Variants in CYTH1 observed in about 807,000 individuals in gnomAD.
The protein encoded by CYTH1 is cytohesin-1.
A neutral mutation model predicts 61.8 loss-of-function variants in CYTH1; 18 were observed. That is an observed-to-expected ratio of 0.29 (90% confidence interval 0.20 to 0.43). The LOEUF (loss-of-function observed/expected upper bound fraction) is 0.43. CYTH1 is among the 20% of genes least tolerant of loss of function. The pLI is 1.00. For synonymous variants in CYTH1, 174 were observed against 184.3 expected, an observed-to-expected ratio of 0.94 and a Z score of 0.45; for missense variants, 336 against 510.5, an observed-to-expected ratio of 0.66 and a Z score of 3.29.
intron 1 of CYTH1, among the ~76,000 whole-genome samples, chr17:78,727,136 C>A (rs1049913033): frequency 6.6e-6 from 1 of 152,206 alleles, no homozygotes; most frequent in African/African-American, 2.4e-5. Context: ...GCATCCCAAA[C>A]CCACGAATTC....
chr17:78,770,797 G>C (rs947732617), intron 1 of CYTH1, among the ~76,000 whole-genome samples: 2 of 151,996 alleles, frequency 1.3e-5, no homozygotes, highest in African/African-American at 2.4e-5. Flanking sequence ...CCAGGTAAGG[G>C]CACGCTTCTG....
At chr17:78,690,392 TCAAAAAAAAAAAAAAAAAAAA>T in intron 11 of CYTH1, among the ~76,000 whole-genome samples, 1 of 9,472 alleles carries the variant, frequency 1.1e-4, no homozygotes. Flanking sequence ...AGACTCCATC[TCAAAAAAAAAAAAAAAAAAAA>T]AAAAAAAAAA....
chr17:78,751,071 C>A (rs892800132), intron 1 of CYTH1, among the ~76,000 whole-genome samples: 10 of 152,090 alleles, frequency 6.6e-5, no homozygotes. Context: ...GCAACCTCTA[C>A]CTCCCAGACT....
In CYTH1 at chr17:78,700,741, T is replaced by C. The variant is rs540118995; in HGVS notation, c.438-298A>G. The stretch of plus-strand genomic sequence containing the variant: ...GGTTTCACCATGCTGGCCAGGCTGG[T>C]CTCAAACTCCTGGCCTCAAGTGATC... On this transcript the variant is annotated intron_variant, in intron 6 of 13. Transcript: ENST00000446868. This position sits in a 1 kb window ranked among gnomAD's most constrained non-coding sequence, Gnocchi z 5.1. Among the ~76,000 whole-genome samples the C allele has an allele frequency of 9.9e-5, 15 of 152,142 alleles. No individual in the cohort carries two copies. In the South Asian group the frequency reaches 2.7e-3, roughly 27 times the overall value.
At chr17:78,760,056 A>C (rs1475599305) in intron 1 of CYTH1, among the ~76,000 whole-genome samples, 1 of 152,082 alleles carries the variant, frequency 6.6e-6, no homozygotes, top group Non-Finnish European at 1.5e-5. Context: ...ACCAGAATAA[A>C]TGGCTTTTTT....
intron 1 of CYTH1, among the ~76,000 whole-genome samples, chr17:78,765,524 T>C (rs1598921992): frequency 6.6e-6 from 1 of 151,586 alleles, no homozygotes; most frequent in South Asian, 2.1e-4. Flanking sequence ...CAGTGTGGAG[T>C]AGAGGAGACA....
At chr17:78,751,474 CA>C (rs71309110) in intron 1 of CYTH1, among the ~76,000 whole-genome samples, 2,074 of 145,092 alleles carry the variant, frequency 0.014, 20 homozygotes, top group Middle Eastern at 0.029. Flanking sequence ...CACAAAAATA[CA>C]AAAAAAAAAA....
At chr17:78,756,427 A>G (rs2093401586) in intron 1 of CYTH1, among the ~76,000 whole-genome samples, 1 of 152,156 alleles carries the variant, frequency 6.6e-6, no homozygotes, top group Non-Finnish European at 1.5e-5. Context: ...TTATACCTCA[A>G]TAATTTTTTT....
chr17:78,721,284 C>T (rs1004696464), intron 1 of CYTH1, among the ~76,000 whole-genome samples: 12 of 152,030 alleles, frequency 7.9e-5, no homozygotes, highest in Non-Finnish European at 4.4e-5. Flanking sequence ...GAGCCGAGAT[C>T]GGGCCATTGC....
chr17:78,736,848 C>A, intron 1 of CYTH1: 1 of 227,142 alleles, frequency 4.4e-6, no homozygotes. Flanking sequence ...AGCTGTCCAG[C>A]CACTAGGGCA....
chr17:78,705,789 C>T (rs2093059109), intron 3 of CYTH1, among the ~76,000 whole-genome samples: 1 of 152,194 alleles, frequency 6.6e-6, no homozygotes, highest in African/African-American at 2.4e-5. Flanking sequence ...CTTCCTGACT[C>T]ACAACTTCAG....
intron 1 of CYTH1, among the ~76,000 whole-genome samples, chr17:78,753,644 CAGTT>C (rs1376505934): frequency 1.8e-4 from 28 of 152,164 alleles, no homozygotes; most frequent in Admixed American, 1.0e-3. Flanking sequence ...GCAGTAATAA[CAGTT>C]AGGACAGAAG....
At chr17:78,730,263 C>A (rs942964178) in intron 1 of CYTH1, among the ~76,000 whole-genome samples, 5 of 151,696 alleles carry the variant, frequency 3.3e-5, no homozygotes, top group Middle Eastern at 3.4e-3. Flanking sequence ...CGGTGTCTCA[C>A]GCCTTTAATC....
chr17:78,711,897 G>A (rs1002620387), intron 1 of CYTH1, among the ~76,000 whole-genome samples: 3 of 151,858 alleles, frequency 2.0e-5, no homozygotes, highest in African/African-American at 7.3e-5. Context: ...ACAACATGGT[G>A]AAACCCTGTC....
At chr17:78,745,402 T>C (rs925083971) in intron 1 of CYTH1, among the ~76,000 whole-genome samples, 5 of 152,148 alleles carry the variant, frequency 3.3e-5, no homozygotes, top group Admixed American at 6.5e-5. Flanking sequence ...CAGCACAATT[T>C]ACAAGCGAGA....
chr17:78,778,711 T>C (rs554513238), intron 1 of CYTH1, among the ~76,000 whole-genome samples: 5 of 151,534 alleles, frequency 3.3e-5, no homozygotes, highest in African/African-American at 4.8e-5. Context: ...CCCAACACTT[T>C]CAGAGGCCAA....
intron 1 of CYTH1, among the ~76,000 whole-genome samples, chr17:78,769,043 G>A (rs984638914): frequency 1.1e-4 from 17 of 151,914 alleles, no homozygotes; most frequent in African/African-American, 4.1e-4. Flanking sequence ...CTACTCAGGA[G>A]GCTGAGGCAC....
At chr17:78,708,318 C>CTT in intron 2 of CYTH1, 57 bp from the exon 3 acceptor site, 1 of 1,496,474 alleles carries the variant, frequency 6.7e-7, no homozygotes, top group Non-Finnish European at 9.1e-7. Context: ...CAAATTAAAA[C>CTT]TTCTAAAATC....
rs148318658 is a variant in CYTH1, at chr17:78,710,595, A to G, written c.23-863T>C. 8.6e-3 allele frequency among the ~76,000 whole-genome samples: 1,316 copies of G among 152,336 alleles called. 23 individuals are homozygous for G. Among genetic ancestry groups the G allele is most frequent in the African/African-American group, 0.03 (1,240 of 41,568 alleles). ...AAACCAGGTTCAAATCCTAGCTCCA[A>G]TCTACCAAATATCAAATTAGGTCAC... On this transcript the variant is annotated intron_variant, in intron 1 of 13. Coordinates refer to ENST00000446868, the MANE Select transcript of CYTH1 (RefSeq NM_004762.6).
Sources: gnomAD v4.1 joint callset for allele counts (sites outside exome capture counted in the v4.1 genomes callset) on GRCh38, gnomAD v4.1.1 for gene constraint, Gnocchi (gnomAD v3.1) non-coding constraint, MANE v1.5 for transcripts, NCBI Gene and HGNC (gene_info 2026-07-23, HGNC 2026-07-21) for gene names.